NCAM2: variants seen among roughly 807,000 people sequenced by gnomAD.
NCAM2 encodes the protein N-CAM-2.
NCAM2 carries 30 observed loss-of-function variants against 98.1 expected under a neutral mutation model. That is an observed-to-expected ratio of 0.31 (90% CI 0.23 to 0.41). The LOEUF is 0.41. Ranked by LOEUF, NCAM2 falls within the 10% of genes least tolerant of loss-of-function variation. The pLI is 1.00. For missense variants in NCAM2, 867 were observed against 1,005.8 expected (o/e 0.86, Z 1.87); for synonymous variants, 368 against 342.4 (o/e 1.07, Z -0.83).
chr21:21,115,005 G>A (rs1034146404), intron 1 of NCAM2, among the ~76,000 whole-genome samples: 1 of 151,956 alleles, frequency 6.6e-6, no homozygotes, highest in African/African-American at 2.4e-5. Flanking sequence ...ATTTTTAGTA[G>A]AGACGGGGTT....
intron 9 of NCAM2, among the ~76,000 whole-genome samples, chr21:21,386,449 C>T (rs1044354855): frequency 3.3e-5 from 5 of 152,102 alleles, no homozygotes; most frequent in African/African-American, 1.2e-4. Flanking sequence ...GTTCTACTGC[C>T]TGCAACTATT....
chr21:21,513,803 A>G (rs1234231745), intron 16 of NCAM2, among the ~76,000 whole-genome samples: 1 of 152,092 alleles, frequency 6.6e-6, no homozygotes, highest in Non-Finnish European at 1.5e-5. Context: ...TTTGAGGTTC[A>G]CAGCTACGAT....
At chr21:21,021,475 A>G (rs1350833511) in intron 1 of NCAM2, among the ~76,000 whole-genome samples, 1 of 152,212 alleles carries the variant, frequency 6.6e-6, no homozygotes, top group East Asian at 1.9e-4. Context: ...TTAGAGAGTG[A>G]GAAAGACTCA....
chr21:21,254,072 A>G (rs186133347), intron 1 of NCAM2, among the ~76,000 whole-genome samples: 47 of 152,338 alleles, frequency 3.1e-4, no homozygotes, highest in Admixed American at 1.6e-3. Context: ...TAAAGTACCA[A>G]AACAAGGGTA....
chr21:21,372,923 T>C (rs1020122952), intron 8 of NCAM2, among the ~76,000 whole-genome samples: 9 of 151,872 alleles, frequency 5.9e-5, no homozygotes, highest in African/African-American at 2.2e-4. Flanking sequence ...GAAGATCATG[T>C]AACTTTAAAA....
chr21:21,335,757 C>G (rs1391303979), intron 7 of NCAM2, 92 bp downstream of exon 7: 4 of 1,049,478 alleles, frequency 3.8e-6, no homozygotes, highest in Non-Finnish European at 5.0e-6. Flanking sequence ...TTTAAACTTT[C>G]CATATTAAAT....
chr21:21,403,409 G>T (rs1021363692), intron 9 of NCAM2, among the ~76,000 whole-genome samples: 3 of 152,154 alleles, frequency 2.0e-5, no homozygotes, highest in Non-Finnish European at 4.4e-5. Flanking sequence ...AACTACCAGT[G>T]ATAATTTGGG....
chr21:21,466,802 G>T, intron 13 of NCAM2, 77 bp downstream of exon 13: 1 of 1,430,104 alleles, frequency 7.0e-7, no homozygotes, highest in Non-Finnish European at 9.5e-7. Context: ...TAAAATGTAG[G>T]GAGATGTTTC....
In NCAM2 at chr21:21,432,058, GC is replaced by G. The variant is rs113501357; in HGVS notation, c.1481-48del. On this transcript the variant is annotated intron_variant, in intron 11 of 17. Coordinates refer to ENST00000400546, the MANE Select transcript of NCAM2 (RefSeq NM_004540.5). ...CATAACACCATAAGCCTTAATAATG[GC>G]CATTCCCATTCCCTTGGTTATGTTT... The G allele has an allele frequency of 1.1e-5, 17 of 1,550,930 alleles. No homozygotes were observed. In the African/African-American group the frequency reaches 1.2e-4, roughly 11 times the overall value.
At chr21:21,319,595 C>G (rs563762452) in intron 5 of NCAM2, among the ~76,000 whole-genome samples, 1 of 152,262 alleles carries the variant, frequency 6.6e-6, no homozygotes, top group East Asian at 1.9e-4. Context: ...GAGCTGAGAT[C>G]ATACCACTGC....
intron 1 of NCAM2, among the ~76,000 whole-genome samples, chr21:21,132,061 A>G (rs1472993851): frequency 6.6e-6 from 1 of 152,214 alleles, no homozygotes; most frequent in Non-Finnish European, 1.5e-5. Context: ...GCTGAGGTGA[A>G]GAATCCTTTT....
intron 8 of NCAM2, among the ~76,000 whole-genome samples, chr21:21,370,224 C>T (rs769336818): frequency 7.9e-5 from 12 of 151,930 alleles, no homozygotes; most frequent in Non-Finnish European, 1.6e-4. Flanking sequence ...TCTATATCAG[C>T]ATGCATTATA....
intron 1 of NCAM2, among the ~76,000 whole-genome samples, chr21:21,265,158 AC>A (rs1343720894): frequency 3.5e-5 from 4 of 115,280 alleles, no homozygotes; most frequent in Non-Finnish European, 5.0e-5. Context: ...ATACATATAT[AC>A]TTATATATAT....
chr21:21,239,822 A>T (rs532694219), intron 1 of NCAM2, among the ~76,000 whole-genome samples: 8 of 152,288 alleles, frequency 5.3e-5, no homozygotes, highest in African/African-American at 1.9e-4. Context: ...ATGGACTAGC[A>T]TTTTAAAAAT....
At position 21,538,811 on chromosome 21, in the gene NCAM2, T is replaced by G. The variant is rs1990115475; in HGVS notation, c.*854T>G. On this transcript the variant is annotated 3_prime_UTR_variant, in exon 18 of 18. Coordinates refer to ENST00000400546, the MANE Select transcript of NCAM2 (RefSeq NM_004540.5). ...TCTTGATATATTTATAAATATGTGA[T>G]TATCATTTATTTTTAAAATAATTTA... The G allele has an allele frequency of 6.6e-6, 1 of 152,130 alleles. No individual in the cohort carries two copies. Among genetic ancestry groups the G allele is most frequent in the South Asian group, 2.1e-4 (1 of 4,832 alleles). The allele number at this position is 152,130 out of a possible 1,614,324, so 9.4% of individuals were successfully genotyped here. A position where few individuals can be genotyped will look rare whatever the true frequency, so the allele number is the denominator to read the frequency against.
chr21:21,439,326 C>T (rs1978891865), intron 12 of NCAM2, among the ~76,000 whole-genome samples: 1 of 152,074 alleles, frequency 6.6e-6, no homozygotes, highest in Admixed American at 6.5e-5. Flanking sequence ...ACCATGTTGG[C>T]CAGGCTGGTC....
intron 12 of NCAM2, among the ~76,000 whole-genome samples, chr21:21,453,620 C>A (rs1073609): frequency 6.6e-6 from 1 of 151,930 alleles, no homozygotes; most frequent in Non-Finnish European, 1.5e-5. Flanking sequence ...TTCTCAAAAT[C>A]TCCTTTACCA....
intron 8 of NCAM2, among the ~76,000 whole-genome samples, chr21:21,359,986 T>C (rs950793802): frequency 2.0e-5 from 3 of 151,892 alleles, no homozygotes; most frequent in African/African-American, 4.8e-5. Flanking sequence ...TTTAAAAATA[T>C]ATAGAAAAAC....
chr21:21,170,381 A>G (rs1475380910), intron 1 of NCAM2, among the ~76,000 whole-genome samples: 2 of 152,224 alleles, frequency 1.3e-5, no homozygotes, highest in Admixed American at 1.3e-4. Context: ...ATGGAATATT[A>G]TTCAGCACCA....
Sources: allele counts gnomAD v4.1 joint callset (sites outside exome capture counted in the v4.1 genomes callset), GRCh38; gene constraint gnomAD v4.1.1; transcripts MANE v1.5; gene names NCBI Gene and HGNC (gene_info 2026-07-23, HGNC 2026-07-21).